Variants in ARHGEF4 observed in about 807,000 individuals in gnomAD.
ARHGEF4 encodes the protein Rho guanine nucleotide exchange factor 4, also known as APC-stimulated guanine nucleotide exchange factor 1.
In ARHGEF4, 119 loss-of-function variants were observed where a neutral mutation model predicts 162.0. The observed-to-expected ratio is 0.73, with a 90% CI of 0.63 to 0.86. The LOEUF is 0.86. Among genes scored for constraint, ARHGEF4 ranks in the 40% least tolerant of loss-of-function variants. The pLI is 0.00. For missense variants in ARHGEF4, 2,488 were observed against 2,456.0 expected, an observed-to-expected ratio of 1.01 and a Z score of -0.28; for synonymous variants, 1,014 against 979.9, an observed-to-expected ratio of 1.03 and a Z score of -0.65.
chr2:131,007,800 CTTTTTTT>C (rs70994731), intron 4 of ARHGEF4, among the ~76,000 whole-genome samples: 14 of 55,912 alleles, frequency 2.5e-4, no homozygotes, highest in East Asian at 1.2e-3. Context: ...CTTTTCTTTT[CTTTTTTT>C]TTTTTTTTTT....
At chr2:130,991,770 C>T (rs558628480) in intron 4 of ARHGEF4, among the ~76,000 whole-genome samples, 2 of 152,370 alleles carry the variant, frequency 1.3e-5, no homozygotes, top group Middle Eastern at 3.4e-3. Flanking sequence ...CCCAGATGAG[C>T]GCCACCCCGT....
At chr2:131,033,368 C>T (rs1035257782) in intron 5 of ARHGEF4, among the ~76,000 whole-genome samples, 5 of 152,186 alleles carry the variant, frequency 3.3e-5, no homozygotes, top group Admixed American at 2.6e-4. Context: ...AGAGGATGTG[C>T]GCAGCACTCA....
intron 13 of ARHGEF4, 163 bp downstream of exon 13, chr2:131,045,609 C>A: frequency 6.4e-7 from 1 of 1,570,500 alleles, no homozygotes; most frequent in East Asian, 2.3e-5. Context: ...TAAGGGGCCA[C>A]TGGGGAAGCC....
chr2:131,008,203 T>G (rs1359279098), intron 4 of ARHGEF4, among the ~76,000 whole-genome samples: 1 of 152,214 alleles, frequency 6.6e-6, no homozygotes, highest in Non-Finnish European at 1.5e-5. Context: ...ATGTTCAATT[T>G]GTTTGTCTGT....
chr2:131,038,333 C>T (rs1220686986), intron 5 of ARHGEF4, among the ~76,000 whole-genome samples: 2 of 149,158 alleles, frequency 1.3e-5, no homozygotes, highest in Non-Finnish European at 3.0e-5. Context: ...CTCCTGCAGC[C>T]TTGCAGCCCC....
intron 4 of ARHGEF4, among the ~76,000 whole-genome samples, chr2:130,978,837 A>C (rs1685925396): frequency 6.6e-6 from 1 of 152,176 alleles, no homozygotes; most frequent in African/African-American, 2.4e-5. Flanking sequence ...AAAAAAAATT[A>C]TTTCTGTCCT....
chr2:130,904,596 C>A (rs556129204), intron 1 of ARHGEF4, among the ~76,000 whole-genome samples: 1 of 152,258 alleles, frequency 6.6e-6, no homozygotes, highest in South Asian at 2.1e-4. Context: ...AAACATTGTA[C>A]GGACTACAAA....
chr2:130,886,563 C>A (rs879876981), intron 1 of ARHGEF4, among the ~76,000 whole-genome samples: 1 of 151,718 alleles, frequency 6.6e-6, no homozygotes, highest in Non-Finnish European at 1.5e-5. Flanking sequence ...CACCTGTAGT[C>A]CCAGCTACTT....
intron 11 of ARHGEF4, 88 bp downstream of exon 11, chr2:131,043,671 G>A (rs1285300904): frequency 2.5e-6 from 4 of 1,588,756 alleles, no homozygotes; most frequent in South Asian, 2.2e-5. Flanking sequence ...CAGAAGACAG[G>A]TGCCAGCCAG....
intron 2 of ARHGEF4, among the ~76,000 whole-genome samples, chr2:130,921,830 T>C (rs1681891333): frequency 6.6e-6 from 1 of 152,012 alleles, no homozygotes; most frequent in Non-Finnish European, 1.5e-5. Context: ...TAGCTGGGAC[T>C]ATAGGCGCCT....
intron 2 of ARHGEF4, 103 bp from the exon 3 acceptor site, chr2:130,930,849 A>G (rs1682584869): frequency 1.8e-6 from 2 of 1,119,994 alleles, no homozygotes; most frequent in Non-Finnish European, 2.5e-6. Flanking sequence ...TAACCAAAAC[A>G]TAGTGTTATA....
At chr2:131,011,829 G>A in intron 4 of ARHGEF4, 2 of 736,014 alleles carry the variant, frequency 2.7e-6, no homozygotes, top group Admixed American at 2.0e-5. Flanking sequence ...TTGTGCAGAG[G>A]GAAGACCAGC....
chr2:130,918,303 G>C (rs976086561), intron 2 of ARHGEF4, among the ~76,000 whole-genome samples: 1 of 152,210 alleles, frequency 6.6e-6, no homozygotes, highest in Middle Eastern at 3.2e-3. Context: ...CTCCCACAAA[G>C]TGACCGCTTC....
chr2:130,904,411 A>C (rs936900305), intron 1 of ARHGEF4, among the ~76,000 whole-genome samples: 7 of 151,930 alleles, frequency 4.6e-5, no homozygotes, highest in South Asian at 4.2e-4. Flanking sequence ...CTCTGGGGGG[A>C]GGGGAGCACA....
At chr2:131,035,314 C>T (rs1690179147) in intron 5 of ARHGEF4, 8 of 1,179,034 alleles carry the variant, frequency 6.8e-6, no homozygotes, top group Non-Finnish European at 7.3e-6. Context: ...GACGGCACTC[C>T]AGCCGTTGCC....
intron 4 of ARHGEF4, among the ~76,000 whole-genome samples, chr2:130,986,008 T>C (rs558591821): frequency 4.6e-4 from 70 of 151,792 alleles, no homozygotes; most frequent in African/African-American, 1.6e-3. Context: ...TGAACATGTA[T>C]GATGTGTGTT....
rs1190506140 is a variant in ARHGEF4, at chr2:131,045,377, A to C, written c.5410A>C (p.Ile1804Leu). The stretch of plus-strand genomic sequence containing the variant: ...CTGTGCCCCTTCCTCAGGCTTCTCC[A>C]TCACTGAACTGCAGAGGAAGCAGGC... ...VQLDQETGFS[I>L]TELQRKQAML... Residue 1804 changes from isoleucine to leucine, a missense_variant, in exon 13 of 14, where the codon ATC becomes CTC. By Grantham distance (5) the Ile-to-Leu change is conservative. This residue lies in a region of ARHGEF4 where 415 missense variants were observed against 512.4 expected (regional missense o/e 0.81). Transcript: ENST00000409359. The C allele has an allele frequency of 6.2e-7, 1 of 1,613,174 alleles. No homozygotes were observed. Among genetic ancestry groups the C allele is most frequent in the Non-Finnish European group, 8.5e-7 (1 of 1,179,806 alleles).
chr2:130,902,377 T>G (rs1040681499), intron 1 of ARHGEF4, among the ~76,000 whole-genome samples: 3 of 152,052 alleles, frequency 2.0e-5, no homozygotes, highest in African/African-American at 7.2e-5. Context: ...GCAGATCACT[T>G]GAGGTCAGGA....
chr2:130,984,868 A>G (rs1686376223), intron 4 of ARHGEF4, among the ~76,000 whole-genome samples: 1 of 152,054 alleles, frequency 6.6e-6, no homozygotes, highest in East Asian at 1.9e-4. Context: ...GTTTTTGCAA[A>G]CAAAAATTCC....
Sources: allele counts gnomAD v4.1 joint callset (sites outside exome capture counted in the v4.1 genomes callset), GRCh38; gene constraint gnomAD v4.1.1; regional missense constraint gnomAD v4.1.1; transcripts MANE v1.5; gene names NCBI Gene and HGNC (gene_info 2026-07-23, HGNC 2026-07-21).